COL6A1: variants seen among roughly 807,000 people sequenced by gnomAD.
The protein encoded by COL6A1 is collagen alpha-1(VI) chain.
A neutral mutation model predicts 145.6 loss-of-function variants in COL6A1; 80 were observed. The ratio of observed to expected loss-of-function variants is 0.55; its 90% CI spans 0.46 to 0.66. The LOEUF (loss-of-function observed/expected upper bound fraction) is 0.66, where lower values mean the gene tolerates loss of function less well. COL6A1 is among the 30% of genes least tolerant of loss of function. The probability of loss-of-function intolerance (pLI) is 0.00; values close to 1 mark genes in which losing one functional copy is unlikely to be tolerated. For synonymous variants in COL6A1, 638 were observed against 622.8 expected (o/e 1.02, Z -0.36); for missense variants, 1,364 against 1,473.8 (o/e 0.93, Z 1.22).
At chr21:45,999,360 G>C in intron 26 of COL6A1, 142 bp downstream of exon 26, 1 of 904,560 alleles carries the variant, frequency 1.1e-6, no homozygotes, top group Non-Finnish European at 1.7e-6. Context: ...GGAGGCCCTG[G>C]GGGTGGGAGG....
At chr21:46,000,442 G>T (rs1603593800) in intron 28 of COL6A1, 75 bp downstream of exon 28, 1 of 1,536,820 alleles carries the variant, frequency 6.5e-7, no homozygotes, top group East Asian at 2.2e-5. Context: ...TCCTAGAAGG[G>T]TGTCTCCACT....
At chr21:45,986,826 C>A in intron 4 of COL6A1, 118 bp from the exon 5 acceptor site, 1 of 1,521,034 alleles carries the variant, frequency 6.6e-7, no homozygotes, top group East Asian at 2.5e-5. Flanking sequence ...AGAGGCCAGC[C>A]CCTCCTGCTG....
At position 45,992,035 on chromosome 21, in the gene COL6A1, C is replaced by T. The variant is rs765631918; in HGVS notation, c.1145C>T (p.Ala382Val). The change falls in exon 16 of 35, where the codon GCG becomes GTG. Residue 382 changes from alanine (A) to valine (V), a missense_variant. Transcript: ENST00000361866. ...EKGEPGADGE[A>V]GRPGSSGPSG... ...GGCGAGCCTGGAGCTGACGGGGAGG[C>T]GGGGAGACCAGGGAGCTCGGGACCA... 117 of 1,604,954 alleles carry T rather than the reference C, an allele frequency of 7.3e-5. No homozygotes were observed. In the South Asian group the frequency reaches 1.1e-3, roughly 15 times the overall value.
At chr21:46,000,671 G>T in intron 28 of COL6A1, 88 bp from the exon 29 acceptor site, 2 of 1,536,016 alleles carry the variant, frequency 1.3e-6, no homozygotes, top group African/African-American at 1.4e-5. Flanking sequence ...CCGGGGAGGC[G>T]GGGAGGCTGC....
Position 46,003,084 on chromosome 21 carries a change from A to C in COL6A1, c.2435-36A>C, listed in dbSNP as rs201427546. 923 of 1,614,026 alleles carry C rather than the reference A, an allele frequency of 5.7e-4. 3 individuals are homozygous for C. The highest frequency in any genetic ancestry group is 4.9e-3 in the Middle Eastern group (30 of 6,062). On this transcript the variant is annotated intron_variant, in intron 33 of 34. Transcript: ENST00000361866. ...CTCCTTGCGGGGTTATAGGTGGAGCAGTGGGCTCACACTGCACGGCTTTTC... is the reference window on the plus strand; with the variant it reads ...CTCCTTGCGGGGTTATAGGTGGAGCCGTGGGCTCACACTGCACGGCTTTTC...
rs1603589571 is a variant in COL6A1 at position 45,984,335 on chromosome 21, G to C, written c.294G>C (p.Glu98Asp). The C allele has an allele frequency of 1.2e-6, 2 of 1,612,432 alleles. No homozygotes were observed. The highest frequency in any genetic ancestry group is 1.7e-6 in the Non-Finnish European group (2 of 1,179,800). The change falls in exon 3 of 35, where the codon GAG becomes GAC. Residue 98 changes from glutamate to aspartate, a missense_variant. Glu to Asp is a conservative substitution (Grantham distance 45). Around this residue, in one of 3 missense-constraint regions of COL6A1, gnomAD observed 414 missense variants for 437.6 expected, o/e 0.95. Coordinates refer to ENST00000361866, the MANE Select transcript of COL6A1 (RefSeq NM_001848.3). Reference protein sequence around the residue: ...AGALHYSDEVEIIQGLTRMPG... With the variant: ...AGALHYSDEVDIIQGLTRMPG... ...CGCTGCACTACAGTGACGAGGTGGA[G>C]ATCATCCAAGGCCTCACGCGCATGC...
intron 29 of COL6A1, 81 bp from the exon 30 acceptor site, chr21:46,001,172 G>C: frequency 6.4e-7 from 1 of 1,560,690 alleles, no homozygotes; most frequent in South Asian, 1.1e-5. Flanking sequence ...GGCAGCCAAG[G>C]AGGGGCCAGG....
At chr21:45,983,305 C>T (rs917084803) in intron 2 of COL6A1, among the ~76,000 whole-genome samples, 4 of 152,064 alleles carry the variant, frequency 2.6e-5, no homozygotes, top group African/African-American at 9.7e-5. Flanking sequence ...GACACGGCAC[C>T]CTCTGCTCCA....
chr21:45,992,846 G>C, intron 19 of COL6A1, 36 bp downstream of exon 19: 1 of 1,556,226 alleles, frequency 6.4e-7, no homozygotes, highest in Non-Finnish European at 8.7e-7. Context: ...AACCACCCCA[G>C]GAAGGGGCAG....
intron 3 of COL6A1, among the ~76,000 whole-genome samples, chr21:45,985,494 A>C (rs1406867951): frequency 6.6e-6 from 1 of 152,214 alleles, no homozygotes. Context: ...AACACCAAGC[A>C]GGGCTAGGAT....
intron 3 of COL6A1, among the ~76,000 whole-genome samples, chr21:45,985,693 C>T (rs1284532448): frequency 6.6e-6 from 1 of 152,200 alleles, no homozygotes; most frequent in Non-Finnish European, 1.5e-5. Context: ...TGGGGGTACC[C>T]GAGGCTGCCC....
At chr21:45,998,570 A>G in intron 24 of COL6A1, 137 bp downstream of exon 24, 3 of 1,214,678 alleles carry the variant, frequency 2.5e-6, no homozygotes, top group South Asian at 2.7e-5. Flanking sequence ...CGGCTGCCCC[A>G]CTGTCTGTGG....
chr21:45,985,014 A>G (rs1225226573), intron 3 of COL6A1, among the ~76,000 whole-genome samples: 1 of 152,094 alleles, frequency 6.6e-6, no homozygotes. Context: ...AGATAGAAAA[A>G]GACAGAGGCA....
chr21:45,991,122 G>A, intron 15 of COL6A1, 81 bp downstream of exon 15: 2 of 1,494,550 alleles, frequency 1.3e-6, no homozygotes, highest in Non-Finnish European at 1.9e-6. Flanking sequence ...CTGGAAGCAA[G>A]TCCTGGTCCG....
intron 2 of COL6A1, among the ~76,000 whole-genome samples, chr21:45,983,553 G>A (rs2077720459): frequency 6.6e-6 from 1 of 152,104 alleles, no homozygotes; most frequent in South Asian, 2.1e-4. Flanking sequence ...AGAGGCTGCC[G>A]GTAACAGCAG....
intron 3 of COL6A1, among the ~76,000 whole-genome samples, chr21:45,985,733 G>C (rs2077735718): frequency 1.3e-5 from 2 of 152,330 alleles, no homozygotes; most frequent in Middle Eastern, 3.4e-3. Flanking sequence ...GGGGGTTTGG[G>C]GAGAGCCTCT....
intron 29 of COL6A1, chr21:46,000,995 G>C (rs111780573): frequency 2.9e-4 from 203 of 707,884 alleles, no homozygotes; most frequent in African/African-American, 6.0e-4. Context: ...AGCAGGCTTG[G>C]GGGGGTCCCT....
Position 45,982,740 on chromosome 21 carries a change from C to T in COL6A1, c.204C>T (p.Arg68=). The T allele has an allele frequency of 6.2e-7, 1 of 1,612,720 alleles. No homozygotes were observed. The highest frequency in any genetic ancestry group is 8.5e-7 in the Non-Finnish European group (1 of 1,179,962). Reference sequence around the variant, plus strand: ...ACAAAGTCAAGTCCTTCACCAAGCGCTTCATCGACAACCTGAGGGACAGGT... The same window carrying T: ...ACAAAGTCAAGTCCTTCACCAAGCGTTTCATCGACAACCTGAGGGACAGGT... ...LVDKVKSFTK[R]FIDNLRDRYY... is the part of the protein sequence containing the mutation. Residue 68 remains arginine (R), a synonymous_variant, in exon 2 of 35, where the codon CGC becomes CGT. Coordinates refer to ENST00000361866, the MANE Select transcript of COL6A1 (RefSeq NM_001848.3).
chr21:45,999,311 G>A (rs1376173773), intron 26 of COL6A1, 93 bp downstream of exon 26: 1 of 1,249,612 alleles, frequency 8.0e-7, no homozygotes, highest in East Asian at 2.5e-5. Context: ...TGGGAGAGTG[G>A]GAGGCGGCGG....
Sources: gnomAD v4.1 joint callset for allele counts (sites outside exome capture counted in the v4.1 genomes callset) on GRCh38, gnomAD v4.1.1 for gene constraint, gnomAD v4.1.1 regional missense constraint, MANE v1.5 for transcripts, NCBI Gene and HGNC (gene_info 2026-07-23, HGNC 2026-07-21) for gene names.